Variants in PPFIA2 observed in about 807,000 individuals in gnomAD.
PPFIA2 encodes PPFI scaffold protein A2, also known as liprin-alpha-2.
A neutral mutation model predicts 175.5 loss-of-function variants in PPFIA2; 46 were observed. The ratio of observed to expected loss-of-function variants is 0.26; its 90% CI spans 0.21 to 0.34. The LOEUF is 0.34. PPFIA2 is among the 10% of genes least tolerant of loss of function. The probability of loss-of-function intolerance (pLI) is 1.00; values close to 1 mark genes in which losing one functional copy is unlikely to be tolerated. For synonymous variants in PPFIA2, 568 were observed against 511.4 expected (o/e 1.11, Z -1.49); for missense variants, 1,179 against 1,506.1 (o/e 0.78, Z 3.60).
intron 22 of PPFIA2, among the ~76,000 whole-genome samples, chr12:81,309,022 C>G (rs1417572183): frequency 6.6e-6 from 1 of 151,932 alleles, no homozygotes; most frequent in East Asian, 1.9e-4. Flanking sequence ...AAATATAAGT[C>G]AAATAATGTG....
At chr12:81,734,500 T>G (rs1282695717) in intron 3 of PPFIA2, among the ~76,000 whole-genome samples, 1 of 151,728 alleles carries the variant, frequency 6.6e-6, no homozygotes, top group Non-Finnish European at 1.5e-5. Flanking sequence ...ATTTTCCAGA[T>G]TAGCATTTTA....
In PPFIA2 at chr12:81,489,643, C is replaced by A. The variant is rs1463745901; in HGVS notation, c.304-31777G>T. Among the ~76,000 whole-genome samples, 8 of 151,956 alleles carry A rather than the reference C, an allele frequency of 5.3e-5. No homozygotes were observed. In the South Asian group the frequency reaches 1.0e-3, roughly 20 times the overall value. On this transcript the variant is annotated intron_variant, in intron 4 of 32. Transcript: ENST00000549396. ...TGTTTCATTTTCACTTGAAATGATG[C>A]AATTAGTCACTGCTCCATATATTTG...
chr12:81,570,227 G>C (rs991253779), intron 4 of PPFIA2, among the ~76,000 whole-genome samples: 1 of 152,152 alleles, frequency 6.6e-6, no homozygotes, highest in African/African-American at 2.4e-5. Flanking sequence ...AGTGATAATA[G>C]AACAAGAGAT....
rs187635560 is a variant in PPFIA2, at chr12:81,416,042, A to G, written c.646-10139T>C. Among the ~76,000 whole-genome samples the G allele has an allele frequency of 1.6e-4, 25 of 151,756 alleles. 1 individual carries two copies. Among genetic ancestry groups the G allele is most frequent in the South Asian group, 4.1e-4 (2 of 4,824 alleles). On this transcript the variant is annotated intron_variant, in intron 7 of 32. Transcript: ENST00000549396. ...TTAGAGGCATGTAAAAGGCTACAGA[A>G]TATACAAAACAATTTATATTGGTCA...
At chr12:81,639,307 T>C (rs1467866646) in intron 4 of PPFIA2, among the ~76,000 whole-genome samples, 1 of 152,012 alleles carries the variant, frequency 6.6e-6, no homozygotes, top group Non-Finnish European at 1.5e-5. Context: ...AGATCAAATT[T>C]CCAAATACCA....
intron 5 of PPFIA2, among the ~76,000 whole-genome samples, chr12:81,457,282 CCTT>C (rs2053748900): frequency 6.6e-6 from 1 of 150,648 alleles, no homozygotes; most frequent in African/African-American, 2.4e-5. Flanking sequence ...TCGCGTCCGG[CCTT>C]TTTTTTTTTT....
chr12:81,442,024 CT>C (rs1566846667), intron 6 of PPFIA2, among the ~76,000 whole-genome samples: 1 of 151,926 alleles, frequency 6.6e-6, no homozygotes, highest in South Asian at 2.1e-4. Flanking sequence ...ATCTTTCTTT[CT>C]TTTTTTAAAC....
chr12:81,339,291 T>C lies in PPFIA2; in HGVS notation c.2437A>G (p.Ser813Gly), dbSNP rs751021581. Residue 813 changes from serine (S) to glycine (G), a missense_variant, in exon 21 of 33, where the codon AGT becomes GGT. Ser to Gly is a moderately conservative substitution (Grantham distance 56). Coordinates refer to ENST00000549396, the MANE Select transcript of PPFIA2 (RefSeq NM_003625.5). Reference protein sequence around the residue: ...SLEPESLGLGSANSSQDSLHK... With the variant: ...SLEPESLGLGGANSSQDSLHK... ...AGAGAGTCTTGGCTGCTGTTGGCAC[T>C]ACCAAGCCCGAGGCTTTCTGGCTCA... is the stretch of plus-strand genomic sequence containing the variant. 1.2e-6 allele frequency: 2 copies of C among 1,609,474 alleles called. No homozygotes were observed. Among genetic ancestry groups the C allele is most frequent in the Admixed American group, 1.7e-5 (1 of 59,350 alleles).
chr12:81,478,728 T>C (rs1264154869), intron 4 of PPFIA2, among the ~76,000 whole-genome samples: 2 of 152,224 alleles, frequency 1.3e-5, no homozygotes, highest in African/African-American at 4.8e-5. Flanking sequence ...TGTGTGGTTT[T>C]AAGTCAGTTT....
chr12:81,653,913 G>A (rs1330773743), intron 4 of PPFIA2, among the ~76,000 whole-genome samples: 7 of 151,816 alleles, frequency 4.6e-5, no homozygotes, highest in Non-Finnish European at 8.8e-5. Context: ...TATAATATAT[G>A]TATATGTGAA....
chr12:81,311,459 C>T (rs999004631), intron 22 of PPFIA2, among the ~76,000 whole-genome samples: 2 of 152,140 alleles, frequency 1.3e-5, no homozygotes, highest in African/African-American at 2.4e-5. Context: ...GGCGGCCCGG[C>T]GTGGTGGCTC....
intron 22 of PPFIA2, among the ~76,000 whole-genome samples, chr12:81,308,606 T>A (rs993159131): frequency 1.3e-5 from 2 of 152,228 alleles, no homozygotes; most frequent in Non-Finnish European, 2.9e-5. Flanking sequence ...AATGGTCCCC[T>A]ACTTTTCTTT....
intron 3 of PPFIA2, among the ~76,000 whole-genome samples, chr12:81,753,070 G>A (rs541743751): frequency 6.6e-6 from 1 of 151,940 alleles, no homozygotes; most frequent in Non-Finnish European, 1.5e-5. Context: ...CAGTAGCTGG[G>A]ACTACAGGCG....
intron 3 of PPFIA2, among the ~76,000 whole-genome samples, chr12:81,747,904 T>C (rs1045977311): frequency 5.5e-5 from 8 of 144,410 alleles, no homozygotes; most frequent in African/African-American, 1.9e-4. Flanking sequence ...ACATCCCAAA[T>C]TATACATATA....
At chr12:81,568,581 C>T (rs1487812542) in intron 4 of PPFIA2, among the ~76,000 whole-genome samples, 2 of 152,184 alleles carry the variant, frequency 1.3e-5, no homozygotes, top group African/African-American at 2.4e-5. Flanking sequence ...CAGCTTTCAG[C>T]GTGTCCTCTC....
chr12:81,409,241 A>G (rs1263990952), intron 7 of PPFIA2, among the ~76,000 whole-genome samples: 1 of 152,142 alleles, frequency 6.6e-6, no homozygotes, highest in Non-Finnish European at 1.5e-5. Context: ...GGGCCCAAGC[A>G]AATTGCCTAC....
chr12:81,457,916 G>T, intron 4 of PPFIA2, 50 bp from the exon 5 acceptor site: 3 of 1,262,572 alleles, frequency 2.4e-6, no homozygotes, highest in South Asian at 1.4e-5. Flanking sequence ...TCTAAAAGCA[G>T]AAAAAAATTC....
chr12:81,439,477 A>G (rs1017090146), intron 7 of PPFIA2, among the ~76,000 whole-genome samples: 2 of 152,078 alleles, frequency 1.3e-5, no homozygotes, highest in African/African-American at 4.8e-5. Context: ...TCTTAAAAAG[A>G]TGATTGAAAA....
At chr12:81,318,220 T>G (rs2139461789) in intron 22 of PPFIA2, among the ~76,000 whole-genome samples, 1 of 151,886 alleles carries the variant, frequency 6.6e-6, no homozygotes, top group South Asian at 2.1e-4. Flanking sequence ...TATGGTCATG[T>G]TCCTCTGAAC....
Sources: allele counts gnomAD v4.1 joint callset (sites outside exome capture counted in the v4.1 genomes callset), GRCh38; gene constraint gnomAD v4.1.1; transcripts MANE v1.5; gene names NCBI Gene and HGNC (gene_info 2026-07-23, HGNC 2026-07-21).